The following LRMDA variants were observed in gnomAD, a reference collection of about 807,000 sequenced individuals.
The protein encoded by LRMDA is leucine-rich melanocyte differentiation-associated protein.
A neutral mutation model predicts 29.8 loss-of-function variants in LRMDA; 18 were observed. The observed-to-expected ratio is 0.60, with a 90% confidence interval of 0.42 to 0.90. The LOEUF (loss-of-function observed/expected upper bound fraction) is 0.90. LRMDA is among the 40% of genes least tolerant of loss of function. LRMDA has a pLI of 0.00. For synonymous variants in LRMDA, 125 were observed against 109.4 expected, an observed-to-expected ratio of 1.14 and a Z score of -0.89; for missense variants, 273 against 273.9, an observed-to-expected ratio of 1.00 and a Z score of 0.02.
chr10:75,529,772 A>T (rs932199754), intron 2 of LRMDA, among the ~76,000 whole-genome samples: 4 of 152,254 alleles, frequency 2.6e-5, no homozygotes, highest in African/African-American at 9.6e-5. Flanking sequence ...TATATCTTAC[A>T]CAATTATAGC....
At chr10:76,086,420 TC>T (rs537003658) in intron 5 of LRMDA, among the ~76,000 whole-genome samples, 27 of 136 alleles carry the variant, frequency 0.2, no homozygotes, top group Admixed American at 0.45. Context: ...GTTTATTTCT[TC>T]AAACAAGCCC....
At chr10:75,569,707 C>T (rs188545730) in intron 2 of LRMDA, among the ~76,000 whole-genome samples, 17 of 152,294 alleles carry the variant, frequency 1.1e-4, no homozygotes, top group African/African-American at 2.9e-4. Flanking sequence ...TGCCTGCAGA[C>T]GAATCACACA....
chr10:75,920,353 A>G (rs371941186), intron 2 of LRMDA, among the ~76,000 whole-genome samples: 3 of 152,312 alleles, frequency 2.0e-5, no homozygotes, highest in South Asian at 4.1e-4. Context: ...TGAGCACTTC[A>G]TAAGCATCCT....
At chr10:76,100,725 C>A (rs1159891160) in intron 5 of LRMDA, among the ~76,000 whole-genome samples, 1 of 152,158 alleles carries the variant, frequency 6.6e-6, no homozygotes, top group Non-Finnish European at 1.5e-5. Flanking sequence ...TCTTTCCCAG[C>A]AATTTAAAGC....
At chr10:75,903,216 T>A (rs1845704606) in intron 2 of LRMDA, among the ~76,000 whole-genome samples, 1 of 152,230 alleles carries the variant, frequency 6.6e-6, no homozygotes, top group Non-Finnish European at 1.5e-5. Flanking sequence ...TTGGTTATAA[T>A]ACCAAATGGA....
chr10:75,869,519 G>A (rs147079401), intron 2 of LRMDA, among the ~76,000 whole-genome samples: 4 of 152,276 alleles, frequency 2.6e-5, no homozygotes, highest in Admixed American at 6.5e-5. Flanking sequence ...CTGTTATCAC[G>A]TATTTTCAGC....
intron 2 of LRMDA, among the ~76,000 whole-genome samples, chr10:75,471,780 G>A (rs770077489): frequency 5.9e-5 from 9 of 152,096 alleles, no homozygotes; most frequent in Non-Finnish European, 1.2e-4. Context: ...GTTGGAAATC[G>A]AGTGGTGAGT....
intron 5 of LRMDA, among the ~76,000 whole-genome samples, chr10:76,229,709 T>A (rs544966821): frequency 3.3e-5 from 5 of 152,200 alleles, no homozygotes; most frequent in African/African-American, 4.8e-5. Flanking sequence ...CACTTTGAGG[T>A]ATCTCTTCCG....
intron 6 of LRMDA, among the ~76,000 whole-genome samples, chr10:76,527,918 A>G (rs1243477548): frequency 6.6e-6 from 1 of 152,178 alleles, no homozygotes; most frequent in African/African-American, 2.4e-5. Flanking sequence ...TGGAGATACA[A>G]AAATGCATAA....
At chr10:76,333,318 G>A (rs532080248) in intron 6 of LRMDA, among the ~76,000 whole-genome samples, 1 of 152,178 alleles carries the variant, frequency 6.6e-6, no homozygotes, top group Admixed American at 6.5e-5. Context: ...GTATCCAGGG[G>A]TAATTGGAAA....
In LRMDA at chr10:75,543,840, T is replaced by A. The variant is rs185355366; in HGVS notation, c.131+105346T>A. Among the ~76,000 whole-genome samples, 13 of 152,290 alleles carry A rather than the reference T, an allele frequency of 8.5e-5. No homozygotes were observed. In the East Asian group the frequency reaches 2.5e-3, roughly 29 times the overall value. ...GGAATGTAATTTTGTCTATGAAACATGACAGTAAGCTGAAATGTCCCTGAT... is the reference window on the plus strand; with the variant it reads ...GGAATGTAATTTTGTCTATGAAACAAGACAGTAAGCTGAAATGTCCCTGAT... On this transcript the variant is annotated intron_variant, in intron 2 of 6. Transcript: ENST00000611255.
At chr10:75,453,731 G>T (rs1363522117) in intron 2 of LRMDA, among the ~76,000 whole-genome samples, 1 of 152,202 alleles carries the variant, frequency 6.6e-6, no homozygotes, top group Non-Finnish European at 1.5e-5. Flanking sequence ...GATGGGGTGT[G>T]TTAAGAGCTT....
chr10:75,612,602 A>G (rs1045089153), intron 2 of LRMDA, among the ~76,000 whole-genome samples: 4 of 149,928 alleles, frequency 2.7e-5, no homozygotes, highest in African/African-American at 9.7e-5. Flanking sequence ...TCTGATTTCC[A>G]AAGAGTTTGC....
chr10:76,324,435 G>T lies in LRMDA; in HGVS notation c.551G>T (p.Arg184Leu). Reference protein sequence around the residue: ...SSEDVASSPERHYTPLPSASR... With the variant: ...SSEDVASSPELHYTPLPSASR... ...GAGGACGTTGCCAGCTCCCCGGAGC[G>T]CCACTACACGCCCTTGCCTTCTGCT... is the stretch of plus-strand genomic sequence containing the variant. The change falls in exon 6 of 7, where the codon CGC becomes CTC. Residue 184 changes from arginine to leucine, a missense_variant. Arg to Leu is a moderately radical substitution (Grantham distance 102). Transcript: ENST00000611255. 6.2e-7 allele frequency: 1 copy of T among 1,614,066 alleles called. No homozygotes were observed. The highest frequency in any genetic ancestry group is 8.5e-7 in the Non-Finnish European group (1 of 1,180,018).
intron 2 of LRMDA, among the ~76,000 whole-genome samples, chr10:75,923,519 C>T (rs1001723903): frequency 2.0e-5 from 3 of 152,192 alleles, no homozygotes; most frequent in Admixed American, 2.0e-4. Context: ...GTTCCAGTCT[C>T]ATAAATCTCA....
At chr10:76,280,439 A>C (rs925675928) in intron 5 of LRMDA, among the ~76,000 whole-genome samples, 1 of 152,182 alleles carries the variant, frequency 6.6e-6, no homozygotes, top group Non-Finnish European at 1.5e-5. Context: ...ATTCTAAAAC[A>C]CAAACGTTTT....
rs1345419132 is a variant in LRMDA, at chr10:76,363,158, AAAGAAAGAAAGAAAGAAAGG to A, written c.601+38675_601+38694del. Among the ~76,000 whole-genome samples the A allele has an allele frequency of 3.2e-3, 130 of 40,722 alleles. 3 individuals are homozygous for A. The highest frequency in any genetic ancestry group is 0.012 in the Middle Eastern group (1 of 86). 26.7% of individuals were successfully genotyped at this position (40,722 alleles called of 152,430 possible). ...GAAAGAAAGAAAGAAAGAAAGAAAGAAAGAAAGAAAGAAAGAAAGGAGGGAGGGAGGGAGGGAGGGAGGGA... is the reference window on the plus strand; with the variant it reads ...GAAAGAAAGAAAGAAAGAAAGAAAGAAGGGAGGGAGGGAGGGAGGGAGGGA... On this transcript the variant is annotated intron_variant, in intron 6 of 6. Transcript: ENST00000611255.
chr10:75,654,867 G>A (rs986789519), intron 2 of LRMDA, among the ~76,000 whole-genome samples: 4 of 152,170 alleles, frequency 2.6e-5, no homozygotes, highest in Non-Finnish European at 4.4e-5. Flanking sequence ...AATCCTTACA[G>A]CTCAAGGATT....
At chr10:75,721,106 C>T (rs1842561677) in intron 2 of LRMDA, among the ~76,000 whole-genome samples, 2 of 152,194 alleles carry the variant, frequency 1.3e-5, no homozygotes, top group South Asian at 4.1e-4. Context: ...TTTTGCATAA[C>T]CATTTTGTTC....
Sources: allele counts gnomAD v4.1 joint callset (sites outside exome capture counted in the v4.1 genomes callset), GRCh38; gene constraint gnomAD v4.1.1; transcripts MANE v1.5; gene names NCBI Gene and HGNC (gene_info 2026-07-23, HGNC 2026-07-21).